Variants in PPP3CA observed in about 807,000 individuals in gnomAD.
PPP3CA encodes the protein protein phosphatase 3 catalytic subunit alpha.
PPP3CA carries 14 observed loss-of-function variants against 66.5 expected under a neutral mutation model. That is an observed-to-expected ratio of 0.21 (90% confidence interval 0.14 to 0.33). PPP3CA has a LOEUF of 0.33. Ranked by LOEUF, PPP3CA falls within the 10% of genes least tolerant of loss-of-function variation. PPP3CA has a pLI of 1.00. For missense variants in PPP3CA, 317 were observed against 639.5 expected (o/e 0.50, Z 5.44); for synonymous variants, 232 against 226.2 (o/e 1.03, Z -0.23).
At chr4:101,142,117 A>G (rs1264039320) in intron 2 of PPP3CA, among the ~76,000 whole-genome samples, 1 of 152,162 alleles carries the variant, frequency 6.6e-6, no homozygotes, top group Non-Finnish European at 1.5e-5. Flanking sequence ...TAAAAATAAT[A>G]CATAATACAA....
intron 1 of PPP3CA, among the ~76,000 whole-genome samples, chr4:101,280,256 G>A (rs902939091): frequency 3.9e-5 from 6 of 152,184 alleles, no homozygotes; most frequent in Non-Finnish European, 8.8e-5. Context: ...TTGAGCAGAC[G>A]TAAGGAGGTG....
intron 1 of PPP3CA, among the ~76,000 whole-genome samples, chr4:101,327,256 G>T (rs1033002621): frequency 2.0e-5 from 3 of 152,094 alleles, no homozygotes; most frequent in African/African-American, 7.2e-5. Flanking sequence ...CAAATATTGT[G>T]ACTGAACCAA....
At chr4:101,064,767 G>A (rs939478418) in intron 8 of PPP3CA, among the ~76,000 whole-genome samples, 1 of 152,010 alleles carries the variant, frequency 6.6e-6, no homozygotes, top group Admixed American at 6.6e-5. Context: ...TTAAAATGTG[G>A]CCCAGAAGTA....
intron 10 of PPP3CA, among the ~76,000 whole-genome samples, chr4:101,058,176 T>C (rs1395135500): frequency 6.6e-6 from 1 of 152,192 alleles, no homozygotes; most frequent in Non-Finnish European, 1.5e-5. Context: ...CTCTTTCTGC[T>C]AGCTCCCAAT....
At chr4:101,112,033 T>C (rs957888472) in intron 2 of PPP3CA, among the ~76,000 whole-genome samples, 1 of 152,120 alleles carries the variant, frequency 6.6e-6, no homozygotes, top group Non-Finnish European at 1.5e-5. Context: ...TTTTAATTCC[T>C]GGCCATGTCT....
chr4:101,345,296 G>A (rs1217563490), intron 1 of PPP3CA, among the ~76,000 whole-genome samples: 1 of 152,178 alleles, frequency 6.6e-6, no homozygotes, highest in Admixed American at 6.5e-5. Flanking sequence ...TTTAAAAACT[G>A]AGTAAACCTC....
chr4:101,295,475 T>C (rs1048296769), intron 1 of PPP3CA, among the ~76,000 whole-genome samples: 1 of 152,218 alleles, frequency 6.6e-6, no homozygotes, highest in Non-Finnish European at 1.5e-5. Context: ...AGTACACGCA[T>C]GTTCTAAGAC....
chr4:101,165,854 G>A (rs2174683), intron 2 of PPP3CA, among the ~76,000 whole-genome samples: 22,933 of 152,056 alleles, frequency 0.15, 2,374 homozygotes, highest in East Asian at 0.3. Context: ...TATAACAACA[G>A]AAGTGGTTTG....
At chr4:101,142,136 A>G (rs540415092) in intron 2 of PPP3CA, among the ~76,000 whole-genome samples, 1 of 152,266 alleles carries the variant, frequency 6.6e-6, no homozygotes, top group African/African-American at 2.4e-5. Context: ...AATTAAAGAC[A>G]CCAACCAAAA....
At chr4:101,216,996 T>C (rs1372040573) in intron 1 of PPP3CA, among the ~76,000 whole-genome samples, 2 of 152,184 alleles carry the variant, frequency 1.3e-5, no homozygotes, top group Non-Finnish European at 2.9e-5. Context: ...AATTCAATGA[T>C]CGGTGAAAAT....
At chr4:101,095,562 T>A (rs534866911) in intron 5 of PPP3CA, among the ~76,000 whole-genome samples, 1 of 152,304 alleles carries the variant, frequency 6.6e-6, no homozygotes, top group Admixed American at 6.5e-5. Flanking sequence ...GGTGATATTT[T>A]AAAAAATCTA....
chr4:101,189,679 G>A (rs1418037844), intron 2 of PPP3CA, among the ~76,000 whole-genome samples: 2 of 119,578 alleles, frequency 1.7e-5, no homozygotes, highest in African/African-American at 4.0e-5. Context: ...GTTTATGATA[G>A]TGAACGGCAA....
intron 8 of PPP3CA, among the ~76,000 whole-genome samples, chr4:101,076,037 A>G (rs1729175520): frequency 6.6e-6 from 1 of 152,148 alleles, no homozygotes; most frequent in Non-Finnish European, 1.5e-5. Flanking sequence ...CAGGGGGCAA[A>G]TAATTTTTTT....
intron 2 of PPP3CA, among the ~76,000 whole-genome samples, chr4:101,176,275 A>G (rs1357814669): frequency 6.6e-6 from 1 of 152,226 alleles, no homozygotes; most frequent in Non-Finnish European, 1.5e-5. Context: ...TGTTAAATGT[A>G]TTAGTGTATA....
chr4:101,193,995 T>C (rs73833265), intron 2 of PPP3CA, among the ~76,000 whole-genome samples: 4,511 of 152,268 alleles, frequency 0.03, 236 homozygotes, highest in African/African-American at 0.1. Flanking sequence ...TATAAAATAT[T>C]GATCACTTCT....
chr4:101,341,324 A>G (rs1301033412), intron 1 of PPP3CA, among the ~76,000 whole-genome samples: 1 of 151,796 alleles, frequency 6.6e-6, no homozygotes, highest in Non-Finnish European at 1.5e-5. Flanking sequence ...GGCAATTTTC[A>G]AAAATGTTTT....
At chr4:101,026,426 T>TCAAA (rs1302057533) in intron 13 of PPP3CA, among the ~76,000 whole-genome samples, 9 of 152,164 alleles carry the variant, frequency 5.9e-5, no homozygotes, top group African/African-American at 1.9e-4. Flanking sequence ...ATCATAAGCA[T>TCAAA]CAAACACCTT....
At chr4:101,133,091 A>G (rs1314423174) in intron 2 of PPP3CA, among the ~76,000 whole-genome samples, 2 of 152,168 alleles carry the variant, frequency 1.3e-5, no homozygotes, top group South Asian at 4.1e-4. Flanking sequence ...GTATTGATAG[A>G]ACGTATCTCA....
intron 1 of PPP3CA, among the ~76,000 whole-genome samples, chr4:101,232,053 ACCTCTGTCATC>A (rs1168076482): frequency 6.6e-6 from 1 of 151,582 alleles, no homozygotes; most frequent in Non-Finnish European, 1.5e-5. Context: ...CATCAAATTG[ACCTCTGTCATC>A]ACCTCAGCAC....
Sources: gnomAD v4.1 joint callset for allele counts (sites outside exome capture counted in the v4.1 genomes callset) on GRCh38, gnomAD v4.1.1 for gene constraint, MANE v1.5 for transcripts, NCBI Gene and HGNC (gene_info 2026-07-23, HGNC 2026-07-21) for gene names.